COL2A1: variants seen among roughly 807,000 people sequenced by gnomAD.
The protein encoded by COL2A1 is collagen alpha-1(II) chain.
In COL2A1, 28 loss-of-function variants were observed where a neutral mutation model predicts 204.5. The observed-to-expected ratio is 0.14, with a 90% CI of 0.10 to 0.19. The LOEUF is 0.19. COL2A1 is among the 10% of genes least tolerant of loss of function. COL2A1 has a pLI of 1.00. For missense variants in COL2A1, 1,388 were observed against 2,027.5 expected (o/e 0.68, Z 6.06); for synonymous variants, 708 against 718.7 (o/e 0.99, Z 0.24).
chr12:47,988,207 C>A (rs1484039437), intron 18 of COL2A1, among the ~76,000 whole-genome samples: 1 of 152,198 alleles, frequency 6.6e-6, no homozygotes, highest in Non-Finnish European at 1.5e-5. Flanking sequence ...AACAGTGACA[C>A]CCTGGCTCCG....
At position 47,994,417 on chromosome 12, in the gene COL2A1, C is replaced by A; in HGVS notation, c.816+7G>T. On this transcript the variant is annotated splice_region_variant and intron_variant, in intron 12 of 53. Coordinates refer to ENST00000380518, the MANE Select transcript of COL2A1 (RefSeq NM_001844.5). ...AGATGCCTGAGGCTGGGAACGGTGG[C>A]GTTTACCTGAGGACCAGGCGGACCC... 6.2e-7 allele frequency: 1 copy of A among 1,614,086 alleles called. No homozygotes were observed.
At chr12:47,973,592 G>T (rs372534127) in intron 53 of COL2A1, 39 bp from the exon 54 acceptor site, 19 of 1,612,802 alleles carry the variant, frequency 1.2e-5, no homozygotes, top group Admixed American at 3.3e-5. Context: ...TTCAGTAGAT[G>T]CCTTGCTACC....
intron 44 of COL2A1, 142 bp downstream of exon 44, chr12:47,977,868 C>T: frequency 2.2e-6 from 2 of 929,936 alleles, no homozygotes; most frequent in Non-Finnish European, 3.4e-6. Context: ...TCCCATTGTA[C>T]CTAGGCTTTC....
chr12:48,002,477 C>T (rs1224796126), intron 1 of COL2A1: 2 of 152,138 alleles, frequency 1.3e-5, no homozygotes, highest in Non-Finnish European at 2.9e-5. Context: ...ATCAGCCTCT[C>T]GGATGCAGAA....
At chr12:47,981,661 C>T in intron 36 of COL2A1, 115 bp downstream of exon 36, 19 of 1,277,914 alleles carry the variant, frequency 1.5e-5, no homozygotes, top group Non-Finnish European at 2.0e-5. Context: ...CTCCTACGGC[C>T]TTGGCCGAGG....
intron 9 of COL2A1, 33 bp downstream of exon 9, chr12:47,995,842 A>G: frequency 6.2e-7 from 1 of 1,610,058 alleles, no homozygotes; most frequent in Non-Finnish European, 8.5e-7. Context: ...CATCTGCGAC[A>G]CGATGGAGGC....
chr12:47,995,732 T>C lies in COL2A1; in HGVS notation c.686A>G (p.Glu229Gly), dbSNP rs1302899634. 1 of 1,613,892 alleles carries C rather than the reference T, an allele frequency of 6.2e-7. No homozygotes were observed. Among genetic ancestry groups the C allele is most frequent in the East Asian group, 2.2e-5 (1 of 44,860 alleles). Residue 229 changes from glutamate (E) to glycine (G), a missense_variant, in exon 10 of 54, where the codon GAA becomes GGA. By Grantham distance (98) the Glu-to-Gly change is moderately conservative. Transcript: ENST00000380518. ...GPQGFQGNPG[E>G]PGEPGVSGPM... ...CACAGAGACACCAGGTTCACCAGGT[T>C]CACCAGGATTGCCTTGAAATCCTTG... is the stretch of plus-strand genomic sequence containing the variant.
chr12:47,995,838 C>T (rs370065559), intron 9 of COL2A1, 37 bp downstream of exon 9: 12 of 1,609,198 alleles, frequency 7.5e-6, no homozygotes, highest in East Asian at 2.2e-5. Context: ...GAATCATCTG[C>T]GACACGATGG....
intron 1 of COL2A1, among the ~76,000 whole-genome samples, chr12:48,000,744 C>T (rs1940198478): frequency 6.6e-6 from 1 of 152,200 alleles, no homozygotes; most frequent in South Asian, 2.1e-4. Flanking sequence ...AAAAGACGAG[C>T]TATTAGAATT....
At position 47,981,821 on chromosome 12, in the gene COL2A1, T is replaced by G. The variant is rs764283823; in HGVS notation, c.2364A>C (p.Thr788=). The G allele has an allele frequency of 2.6e-6, 4 of 1,554,164 alleles. No homozygotes were observed. The highest frequency in any genetic ancestry group is 2.6e-6 in the Non-Finnish European group (3 of 1,148,612). ...APGKDGGRGL[T]GPIGPPGPAG... Reference sequence around the variant, plus strand: ...CTGGGCCAGGGGGGCCAATGGGACCTGTCAGGCCCTGCGGGGAGAGCAGGT... The same window carrying G: ...CTGGGCCAGGGGGGCCAATGGGACCGGTCAGGCCCTGCGGGGAGAGCAGGT... Residue 788 remains threonine, a synonymous_variant, in exon 36 of 54, where the codon ACA becomes ACC. Transcript: ENST00000380518.
At chr12:47,974,384 A>G in intron 52 of COL2A1, 53 bp from the exon 53 acceptor site, 1 of 1,606,780 alleles carries the variant, frequency 6.2e-7, no homozygotes, top group Non-Finnish European at 8.5e-7. Context: ...ATTCAATGGG[A>G]CCAGGGGCTG....
At position 47,981,840 on chromosome 12, in the gene COL2A1, A is replaced by G. The variant is rs902121984; in HGVS notation, c.2356-11T>C. The stretch of plus-strand genomic sequence containing the variant: ...GGGACCTGTCAGGCCCTGCGGGGAG[A>G]GCAGGTAGAGGTGAGGGAGGCAGGC... On this transcript the variant is annotated splice_polypyrimidine_tract_variant and intron_variant, in intron 35 of 53. Coordinates refer to ENST00000380518, the MANE Select transcript of COL2A1 (RefSeq NM_001844.5). 2.6e-6 allele frequency: 4 copies of G among 1,553,676 alleles called. No individual in the cohort carries two copies. Among genetic ancestry groups the G allele is most frequent in the African/African-American group, 1.4e-5 (1 of 73,102 alleles).
intron 16 of COL2A1, 110 bp downstream of exon 16, chr12:47,992,768 T>C (rs896001820): frequency 7.2e-6 from 8 of 1,118,442 alleles, no homozygotes; most frequent in Non-Finnish European, 1.1e-5. Flanking sequence ...TCTTAAGGGA[T>C]AACAATACTC....
Position 47,994,445 on chromosome 12 carries a change from T to C in COL2A1, c.795A>G (p.Glu265=), listed in dbSNP as rs747065602. The change falls in exon 12 of 54, where the codon GAA becomes GAG. Residue 265 remains glutamate (E), a synonymous_variant. Transcript: ENST00000380518. ...GEAGKPGKAG[E]RGPPGPQGAR... is the part of the protein sequence containing the mutation. ...TTACCTGAGGACCAGGCGGACCCCT[T>C]TCACCAGCTTTTCCAGGTTTTCCAG... 1.2e-6 allele frequency: 2 copies of C among 1,614,042 alleles called. No individual in the cohort carries two copies. The highest frequency in any genetic ancestry group is 2.2e-5 in the South Asian group (2 of 91,062).
At chr12:47,981,070 C>CGTCTCTGGGGAACAGG in intron 37 of COL2A1, 102 bp from the exon 38 acceptor site, 1 of 1,231,678 alleles carries the variant, frequency 8.1e-7, no homozygotes, top group Non-Finnish European at 1.1e-6. Context: ...TCCTGTTCCC[C>CGTCTCTGGGGAACAGG]AGAGACGGGG....
chr12:47,983,744 GGAAAA>G lies in COL2A1; in HGVS notation c.1942-13_1942-9del, dbSNP rs1939228174. 1 of 1,583,588 alleles carries G rather than the reference GGAAAA, an allele frequency of 6.3e-7. No individual in the cohort carries two copies. Among genetic ancestry groups the G allele is most frequent in the African/African-American group, 1.3e-5 (1 of 74,372 alleles). ...TCGTTCACCAGCAGGTCCCTGCAGT[GGAAAA>G]GAAAAGGTGAGCTGAGCCAGTGTTC... On this transcript the variant is annotated splice_polypyrimidine_tract_variant and intron_variant, in intron 29 of 53. Coordinates refer to ENST00000380518, the MANE Select transcript of COL2A1 (RefSeq NM_001844.5).
intron 8 of COL2A1, 43 bp downstream of exon 8, chr12:47,996,505 C>A (rs1001190910): frequency 1.3e-6 from 2 of 1,543,578 alleles, no homozygotes; most frequent in Non-Finnish European, 1.8e-6. Flanking sequence ...CTAAGGGCCA[C>A]CTCCTGCCAT....
chr12:47,980,079 G>A lies in COL2A1; in HGVS notation c.2626-17C>T, dbSNP rs1266406172. On this transcript the variant is annotated splice_polypyrimidine_tract_variant and intron_variant, in intron 39 of 53. Coordinates refer to ENST00000380518, the MANE Select transcript of COL2A1 (RefSeq NM_001844.5). The surrounding 1 kb of genome is among the most constrained non-coding windows in gnomAD (Gnocchi z 4.5). Reference sequence around the variant, plus strand: ...AGTAGGACCCTGGAAAGGAAAGAGGGAGACAGTGAGGCCCAGTGGCCCAAG... The same window carrying A: ...AGTAGGACCCTGGAAAGGAAAGAGGAAGACAGTGAGGCCCAGTGGCCCAAG... The A allele has an allele frequency of 1.9e-6, 3 of 1,551,110 alleles. No individual in the cohort carries two copies. Among genetic ancestry groups the A allele is most frequent in the South Asian group, 2.4e-5 (2 of 84,086 alleles).
chr12:47,986,351 A>G lies in COL2A1; in HGVS notation c.1512T>C (p.Gly504=). ...TTCACTTAACTCTTTCTCCAGGGGGACCGATGGGCCCAACGCCACCAGGCT... is the reference window on the plus strand; with the variant it reads ...TTCACTTAACTCTTTCTCCAGGGGGGCCGATGGGCCCAACGCCACCAGGCT... ...RGEPGGVGPI[G]PPGERGAPGN... Residue 504 remains glycine, a synonymous_variant, in exon 23 of 54, where the codon GGT becomes GGC. Transcript: ENST00000380518. 1 of 1,562,048 alleles carries G rather than the reference A, an allele frequency of 6.4e-7. No individual in the cohort carries two copies. The highest frequency in any genetic ancestry group is 8.7e-7 in the Non-Finnish European group (1 of 1,151,224).
Sources: gnomAD v4.1 joint callset for allele counts (sites outside exome capture counted in the v4.1 genomes callset) on GRCh38, gnomAD v4.1.1 for gene constraint, Gnocchi (gnomAD v3.1) non-coding constraint, MANE v1.5 for transcripts, NCBI Gene and HGNC (gene_info 2026-07-23, HGNC 2026-07-21) for gene names.